TTC39B: variants seen among roughly 807,000 people sequenced by gnomAD.
The protein encoded by TTC39B is tetratricopeptide repeat protein 39B.
Under a neutral mutation model 96.6 loss-of-function variants are expected in TTC39B, and 92 were observed. The ratio of observed to expected loss-of-function variants is 0.95; its 90% confidence interval spans 0.80 to 1.13. The LOEUF (loss-of-function observed/expected upper bound fraction) is 1.13, where lower values mean the gene tolerates loss of function less well. Ranked by LOEUF, TTC39B falls within the 50% of genes most tolerant of loss-of-function variation. The pLI, the probability that TTC39B is intolerant of heterozygous loss-of-function variation, is 0.00. For synonymous variants in TTC39B, 367 were observed against 299.4 expected, an observed-to-expected ratio of 1.23 and a Z score of -2.33; for missense variants, 955 against 809.3, an observed-to-expected ratio of 1.18 and a Z score of -2.18.
At chr9:15,280,367 G>A (rs537429301) in intron 1 of TTC39B, among the ~76,000 whole-genome samples, 48 of 152,304 alleles carry the variant, frequency 3.2e-4, no homozygotes, top group African/African-American at 1.1e-3. Flanking sequence ...GCCTACGTTT[G>A]CGCAATGAAT....
intron 4 of TTC39B, among the ~76,000 whole-genome samples, chr9:15,212,729 C>T (rs1820279938): frequency 6.6e-6 from 1 of 152,122 alleles, no homozygotes; most frequent in African/African-American, 2.4e-5. Flanking sequence ...AACACTGAAA[C>T]ATGTACAAAA....
intron 3 of TTC39B, among the ~76,000 whole-genome samples, chr9:15,217,456 C>G (rs760828908): frequency 1.3e-5 from 2 of 152,158 alleles, no homozygotes; most frequent in Non-Finnish European, 2.9e-5. Context: ...AGCACATAAA[C>G]TCAGCTCTTC....
intron 2 of TTC39B, among the ~76,000 whole-genome samples, chr9:15,258,899 C>A (rs1448929293): frequency 1.3e-5 from 2 of 152,130 alleles, no homozygotes; most frequent in Non-Finnish European, 2.9e-5. Flanking sequence ...TGAAAAGCAG[C>A]ATTTATAGGA....
intron 1 of TTC39B, among the ~76,000 whole-genome samples, chr9:15,301,802 T>C (rs1000852878): frequency 6.6e-6 from 1 of 151,298 alleles, no homozygotes; most frequent in African/African-American, 2.4e-5. Context: ...TGGTAATGAA[T>C]TTTATCAAAA....
chr9:15,206,597 T>G (rs2131330664), intron 6 of TTC39B, among the ~76,000 whole-genome samples: 1 of 152,340 alleles, frequency 6.6e-6, no homozygotes, highest in East Asian at 1.9e-4. Flanking sequence ...TATAAATTCC[T>G]TAGTCCACAG....
At chr9:15,175,129 C>A (rs1450904623) in exon 19 of TTC39B, 1 of 1,605,782 alleles carries the variant, frequency 6.2e-7, no homozygotes, top group South Asian at 1.1e-5. Flanking sequence ...ACTTCAGTAG[C>A]TTTTCACTGA....
chr9:15,215,036 T>C lies in TTC39B; in HGVS notation c.372-787A>G, dbSNP rs148000704. On this transcript the variant is annotated intron_variant, in intron 3 of 19. Coordinates refer to ENST00000512701, the Ensembl canonical transcript of TTC39B. Reference sequence around the variant, plus strand: ...TAGGAGACTGAGGCAGGAGGAATGCTTGAGGCCGGGAGCTCAAGACCAGCC... The same window carrying C: ...TAGGAGACTGAGGCAGGAGGAATGCCTGAGGCCGGGAGCTCAAGACCAGCC... Among the ~76,000 whole-genome samples the C allele has an allele frequency of 5.3e-4, 81 of 152,268 alleles. 1 individual carries two copies. The highest frequency in any genetic ancestry group is 1.9e-3 in the African/African-American group (77 of 41,554).
At chr9:15,191,826 G>C (rs1818873958) in intron 9 of TTC39B, among the ~76,000 whole-genome samples, 1 of 152,200 alleles carries the variant, frequency 6.6e-6, no homozygotes, top group African/African-American at 2.4e-5. Flanking sequence ...GGTTGGAAGG[G>C]CAGGGGCTTA....
intron 15 of TTC39B, among the ~76,000 whole-genome samples, chr9:15,186,109 A>C (rs1818509230): frequency 6.6e-6 from 1 of 152,218 alleles, no homozygotes; most frequent in African/African-American, 2.4e-5. Flanking sequence ...GGATGCATCA[A>C]ACAAGTTGCT....
intron 2 of TTC39B, among the ~76,000 whole-genome samples, chr9:15,251,737 GTAGTATATA>G (rs1822562698): frequency 8.4e-4 from 64 of 76,080 alleles, no homozygotes; most frequent in African/African-American, 2.5e-3. Context: ...ATATATATAT[GTAGTATATA>G]TGGAGGGGAC....
chr9:15,190,609 A>T lies in TTC39B; in HGVS notation c.1050T>A (p.Ser350=), dbSNP rs1315462904. ...CTAAGATGGTTAAGCAGCACAGTGC[A>T]GACCTCATGCTCCTTCCTGAAGCAC... The change falls in exon 11 of 20, where the codon TCT becomes TCA. Residue 350 remains serine, a synonymous_variant. Transcript: ENST00000512701. 5 of 1,614,242 alleles carry T rather than the reference A, an allele frequency of 3.1e-6. No individual in the cohort carries two copies. The Admixed American group carries it at 5.0e-5, about 16-fold the overall frequency.
intron 6 of TTC39B, among the ~76,000 whole-genome samples, chr9:15,208,412 A>G (rs990917079): frequency 5.3e-5 from 8 of 152,132 alleles, no homozygotes; most frequent in Non-Finnish European, 1.2e-4. Context: ...ATCAGCCTTC[A>G]TACTAAAAGG....
At chr9:15,219,479 T>G (rs1359837269) in intron 3 of TTC39B, among the ~76,000 whole-genome samples, 1 of 152,208 alleles carries the variant, frequency 6.6e-6, no homozygotes, top group Non-Finnish European at 1.5e-5. Flanking sequence ...GATTTTATTG[T>G]GTTACAATAA....
At chr9:15,255,096 G>A (rs977987977) in intron 2 of TTC39B, among the ~76,000 whole-genome samples, 2 of 151,754 alleles carry the variant, frequency 1.3e-5, no homozygotes, top group East Asian at 1.9e-4. Flanking sequence ...TTAAAAGACC[G>A]CTGCTGGTAT....
intron 1 of TTC39B, among the ~76,000 whole-genome samples, chr9:15,273,384 T>C (rs1823425173): frequency 6.6e-6 from 1 of 152,084 alleles, no homozygotes; most frequent in African/African-American, 2.4e-5. Flanking sequence ...AAGTAGGAAG[T>C]AACATGACAA....
intron 2 of TTC39B, among the ~76,000 whole-genome samples, chr9:15,239,784 T>C (rs1345331835): frequency 2.0e-5 from 3 of 152,102 alleles, no homozygotes; most frequent in Non-Finnish European, 2.9e-5. Context: ...GAGGTGAAGG[T>C]TGAAAAATTA....
chr9:15,176,763 G>A (rs561503168), intron 18 of TTC39B, among the ~76,000 whole-genome samples: 2 of 152,230 alleles, frequency 1.3e-5, no homozygotes, highest in African/African-American at 2.4e-5. Context: ...AAAACACCCT[G>A]ACCTATAGAG....
intron 8 of TTC39B, among the ~76,000 whole-genome samples, chr9:15,198,588 T>C: frequency 6.6e-6 from 1 of 151,290 alleles, no homozygotes. Context: ...TGTAATAACT[T>C]AAAAACAATA....
chr9:15,238,840 T>C (rs1177850341), intron 2 of TTC39B, among the ~76,000 whole-genome samples: 2 of 152,076 alleles, frequency 1.3e-5, no homozygotes, highest in African/African-American at 2.4e-5. Flanking sequence ...ATGAAAATTA[T>C]CTGGGCGTGG....
Sources: gnomAD v4.1 joint callset for allele counts (sites outside exome capture counted in the v4.1 genomes callset) on GRCh38, gnomAD v4.1.1 for gene constraint, MANE v1.5 for transcripts, NCBI Gene and HGNC (gene_info 2026-07-23, HGNC 2026-07-21) for gene names.